EYS: variants seen among roughly 807,000 people sequenced by gnomAD.
EYS encodes the protein EGF-like photoreceptor maintenance factor.
In EYS, 250 loss-of-function variants were observed where a neutral mutation model predicts 282.1. The observed-to-expected ratio is 0.89, with a 90% CI of 0.80 to 0.98. EYS has a LOEUF of 0.98. Among genes scored for constraint, EYS ranks in the 50% least tolerant of loss-of-function variants. EYS has a pLI of 0.00. For synonymous variants in EYS, 1,355 were observed against 1,282.9 expected, an observed-to-expected ratio of 1.06 and a Z score of -1.20; for missense variants, 4,016 against 3,709.0, an observed-to-expected ratio of 1.08 and a Z score of -2.15.
chr6:65,172,195 A>G (rs1316152404), intron 12 of EYS, among the ~76,000 whole-genome samples: 1 of 151,526 alleles, frequency 6.6e-6, no homozygotes, highest in Non-Finnish European at 1.5e-5. Context: ...TTTTGATTAA[A>G]ATAATCATAG....
intron 29 of EYS, among the ~76,000 whole-genome samples, chr6:64,348,367 T>C (rs1337409523): frequency 1.3e-5 from 2 of 151,500 alleles, no homozygotes; most frequent in African/African-American, 2.4e-5. Context: ...GGATTTTTTT[T>C]CCATATCATT....
At position 65,495,039 on chromosome 6, in the gene EYS, T is replaced by G. The variant is rs200026839; in HGVS notation, c.372A>C (p.Leu124Phe). ...TTCCTTTTAGTCTGCAGCCAAAAAG[T>G]AACTGATCTTCCGTTGTGGTATTTT... Reference protein sequence around the residue: ...CVQNTTTEDQLLFGCRLKGMH... With the variant: ...CVQNTTTEDQFLFGCRLKGMH... Residue 124 changes from leucine to phenylalanine, a missense_variant, in exon 4 of 43, where the codon TTA (leucine) becomes TTC (phenylalanine). Physicochemically the swap from Leu to Phe is conservative, Grantham distance 22. Transcript: ENST00000503581. 16 of 1,614,090 alleles carry G rather than the reference T, an allele frequency of 9.9e-6. No homozygotes were observed. In the African/African-American group the frequency reaches 2.1e-4, roughly 22 times the overall value.
intron 41 of EYS, among the ~76,000 whole-genome samples, chr6:63,737,015 C>A (rs996210111): frequency 6.6e-6 from 1 of 151,828 alleles, no homozygotes; most frequent in South Asian, 2.1e-4. Context: ...TCTAGATATA[C>A]AATCATGTCA....
intron 11 of EYS, among the ~76,000 whole-genome samples, chr6:65,327,903 A>G (rs1487571142): frequency 1.3e-5 from 2 of 151,484 alleles, no homozygotes; most frequent in Non-Finnish European, 3.0e-5. Context: ...CAATATAGTT[A>G]AAAAATTCTA....
intron 30 of EYS, among the ~76,000 whole-genome samples, chr6:64,302,462 C>T (rs1769269497): frequency 6.6e-6 from 1 of 152,184 alleles, no homozygotes; most frequent in Non-Finnish European, 1.5e-5. Context: ...TGCACATGCT[C>T]TTCCTGGAGA....
At chr6:65,022,005 A>G (rs1433244990) in intron 13 of EYS, among the ~76,000 whole-genome samples, 5 of 152,188 alleles carry the variant, frequency 3.3e-5, no homozygotes, top group African/African-American at 7.2e-5. Context: ...GGTCCCTCCC[A>G]CAACATGTGG....
intron 2 of EYS, among the ~76,000 whole-genome samples, chr6:65,532,546 T>C (rs893949362): frequency 9.2e-5 from 14 of 152,272 alleles, no homozygotes; most frequent in African/African-American, 3.4e-4. Flanking sequence ...AATATCACAT[T>C]TGTTACTGTT....
At chr6:65,215,942 C>A (rs1295558527) in intron 12 of EYS, among the ~76,000 whole-genome samples, 1 of 152,120 alleles carries the variant, frequency 6.6e-6, no homozygotes, top group Non-Finnish European at 1.5e-5. Context: ...GTGGACTTAA[C>A]AGAATATAGT....
At chr6:64,533,153 C>T (rs1036642161) in intron 26 of EYS, among the ~76,000 whole-genome samples, 6 of 152,076 alleles carry the variant, frequency 3.9e-5, no homozygotes, top group South Asian at 2.1e-4. Flanking sequence ...CCATAGTAAT[C>T]GTCTAAATCA....
At chr6:63,883,415 C>T (rs1773183862) in intron 35 of EYS, among the ~76,000 whole-genome samples, 1 of 152,240 alleles carries the variant, frequency 6.6e-6, no homozygotes, top group Admixed American at 6.5e-5. Flanking sequence ...ATTTCTTCTA[C>T]CCTTGTGAAA....
At chr6:63,983,848 C>A (rs1767222918) in intron 35 of EYS, among the ~76,000 whole-genome samples, 1 of 151,592 alleles carries the variant, frequency 6.6e-6, no homozygotes, top group Non-Finnish European at 1.5e-5. Flanking sequence ...TAATTAAAAT[C>A]TTCTTAAGTT....
chr6:65,235,349 T>C (rs1766894714), intron 12 of EYS, among the ~76,000 whole-genome samples: 2 of 152,186 alleles, frequency 1.3e-5, no homozygotes, highest in African/African-American at 4.8e-5. Flanking sequence ...AAATGGAATA[T>C]GTATGACACT....
chr6:64,853,889 A>C (rs1168824543), intron 19 of EYS, among the ~76,000 whole-genome samples: 1 of 152,084 alleles, frequency 6.6e-6, no homozygotes, highest in Non-Finnish European at 1.5e-5. Flanking sequence ...CAAAGAACTC[A>C]AACAAATTTA....
chr6:64,927,397 G>A (rs919260002), intron 15 of EYS, among the ~76,000 whole-genome samples: 3 of 152,220 alleles, frequency 2.0e-5, no homozygotes, highest in African/African-American at 2.4e-5. Flanking sequence ...CTAGCAATAC[G>A]AAATCTTACT....
chr6:65,438,703 T>G (rs1436141978), intron 5 of EYS, among the ~76,000 whole-genome samples: 7 of 151,898 alleles, frequency 4.6e-5, no homozygotes, highest in Non-Finnish European at 1.0e-4. Flanking sequence ...TTTGATGGGG[T>G]TGTTTTTTTC....
At chr6:64,676,025 G>GAT (rs997152468) in intron 22 of EYS, among the ~76,000 whole-genome samples, 2 of 146,112 alleles carry the variant, frequency 1.4e-5, no homozygotes, top group Admixed American at 6.9e-5. Flanking sequence ...TATATCGATA[G>GAT]ATATATATAG....
chr6:64,472,435 T>C (rs769988024), intron 26 of EYS, among the ~76,000 whole-genome samples: 8 of 152,142 alleles, frequency 5.3e-5, no homozygotes, highest in African/African-American at 1.2e-4. Flanking sequence ...TCAAATTTGG[T>C]TAATAGATTT....
At chr6:65,209,664 C>T (rs1157847718) in intron 12 of EYS, among the ~76,000 whole-genome samples, 1 of 151,854 alleles carries the variant, frequency 6.6e-6, no homozygotes, top group Non-Finnish European at 1.5e-5. Flanking sequence ...GAACCCAAAA[C>T]ATATAACATA....
rs533289070 is a variant in EYS at position 64,499,972 on chromosome 6, A to G, written c.5645-60620T>C. Among the ~76,000 whole-genome samples, 6 of 152,268 alleles carry G rather than the reference A, an allele frequency of 3.9e-5. No individual in the cohort carries two copies. In the South Asian group the frequency reaches 1.2e-3, roughly 32 times the overall value. On this transcript the variant is annotated intron_variant, in intron 26 of 42. Coordinates refer to ENST00000503581, the MANE Select transcript of EYS (RefSeq NM_001142800.2). Reference sequence around the variant, plus strand: ...GGTAACTTTTGATGGGGACATTACTACAAGTAGACAAGTAACACTCTGTTT... The same window carrying G: ...GGTAACTTTTGATGGGGACATTACTGCAAGTAGACAAGTAACACTCTGTTT...
Sources: gnomAD v4.1 joint callset for allele counts (sites outside exome capture counted in the v4.1 genomes callset) on GRCh38, gnomAD v4.1.1 for gene constraint, MANE v1.5 for transcripts, NCBI Gene and HGNC (gene_info 2026-07-23, HGNC 2026-07-21) for gene names.